The following SVIL variants were observed in gnomAD, a reference collection of about 807,000 sequenced individuals.
SVIL encodes the protein supervillin.
SVIL carries 101 observed loss-of-function variants against 240.4 expected under a neutral mutation model. The observed-to-expected ratio is 0.42, with a 90% CI of 0.36 to 0.50. SVIL has a LOEUF of 0.50. Ranked by LOEUF, SVIL falls within the 20% of genes least tolerant of loss-of-function variation. SVIL has a pLI of 0.01. For synonymous variants in SVIL, 999 were observed against 1,100.0 expected, an observed-to-expected ratio of 0.91 and a Z score of 1.82; for missense variants, 2,512 against 2,818.7, an observed-to-expected ratio of 0.89 and a Z score of 2.46.
chr10:29,608,004 C>T (rs1010738096), intron 1 of SVIL, among the ~76,000 whole-genome samples: 3 of 152,224 alleles, frequency 2.0e-5, no homozygotes, highest in African/African-American at 7.2e-5. Context: ...GCAAGACAGG[C>T]ATCTATCCGA....
intron 12 of SVIL, 66 bp from the exon 13 acceptor site, chr10:29,527,122 A>G: frequency 7.2e-7 from 1 of 1,385,568 alleles, no homozygotes; most frequent in South Asian, 1.3e-5. Context: ...CATTAAGGAC[A>G]GCATAGTTTT....
In SVIL at chr10:29,643,929, C is replaced by T. The variant is rs945687321; in HGVS notation, c.-201+14040G>A. 8 of 511,148 alleles carry T rather than the reference C, an allele frequency of 1.6e-5. No individual in the cohort carries two copies. The East Asian group carries it at 1.7e-4, about 11-fold the overall frequency. The allele number at this position is 511,148 out of a possible 1,614,324, so 31.7% of individuals were successfully genotyped here. On this transcript the variant is annotated intron_variant, in intron 3 of 35. Coordinates refer to the SVIL transcript ENST00000375400. The stretch of plus-strand genomic sequence containing the variant: ...GAACTTGCCAGGGGTGAGCCTGGAC[C>T]GTGGTTTATGAGTCCTGGCTCCAGA...
intron 36 of SVIL, 118 bp from the exon 37 acceptor site, chr10:29,458,707 T>A: frequency 3.8e-6 from 4 of 1,065,640 alleles, no homozygotes; most frequent in Non-Finnish European, 5.3e-6. Context: ...GATGCATAGT[T>A]CCATATCACT....
intron 2 of SVIL, among the ~76,000 whole-genome samples, chr10:29,664,487 G>A (rs2133044073): frequency 1.3e-5 from 2 of 152,250 alleles, no homozygotes; most frequent in Middle Eastern, 6.8e-3. Flanking sequence ...CATGCCAAAT[G>A]CCTGATCTTG....
At chr10:29,494,401 C>A (rs1184802795) in intron 20 of SVIL, among the ~76,000 whole-genome samples, 2 of 152,168 alleles carry the variant, frequency 1.3e-5, no homozygotes, top group Admixed American at 6.5e-5. Flanking sequence ...GGACTCCCAG[C>A]GCCTAGTATT....
chr10:29,636,599 A>C (rs1958318449), upstream of SVIL, among the ~76,000 whole-genome samples: 2 of 152,132 alleles, frequency 1.3e-5, 1 homozygote, highest in South Asian at 4.1e-4. Flanking sequence ...ATCCCAGTTA[A>C]TTCTTCCTGT....
intron 6 of SVIL, among the ~76,000 whole-genome samples, chr10:29,546,493 A>C (rs1952700971): frequency 6.6e-6 from 1 of 152,242 alleles, no homozygotes; most frequent in Non-Finnish European, 1.5e-5. Context: ...TTTATCATAT[A>C]AACTGAATAC....
chr10:29,504,401 C>T (rs1158770681), intron 17 of SVIL, among the ~76,000 whole-genome samples: 2 of 152,066 alleles, frequency 1.3e-5, no homozygotes, highest in South Asian at 2.1e-4. Context: ...AATGAGAAGA[C>T]AATCTACAGA....
chr10:29,615,655 TCA>T, intron 1 of SVIL, among the ~76,000 whole-genome samples: 1 of 152,352 alleles, frequency 6.6e-6, no homozygotes, highest in Non-Finnish European at 1.5e-5. Flanking sequence ...CTGTGTACTT[TCA>T]GTCTTTCTGC....
intron 17 of SVIL, chr10:29,507,963 A>G: frequency 5.0e-6 from 1 of 201,374 alleles, no homozygotes; most frequent in Non-Finnish European, 9.5e-6. Context: ...TCTTTTCAAG[A>G]GAGTCCTCCC....
At chr10:29,649,532 A>G (rs1270795133) in intron 3 of SVIL, among the ~76,000 whole-genome samples, 1 of 152,196 alleles carries the variant, frequency 6.6e-6, no homozygotes, top group East Asian at 1.9e-4. Flanking sequence ...CAGCTAGAAA[A>G]CACTACATTT....
At chr10:29,671,745 T>C (rs900122197) in intron 2 of SVIL, among the ~76,000 whole-genome samples, 14 of 152,338 alleles carry the variant, frequency 9.2e-5, no homozygotes, top group Admixed American at 9.1e-4. Flanking sequence ...TCCTATTTTT[T>C]TAAATCTCCA....
At chr10:29,674,420 C>A (rs113339175) in intron 2 of SVIL, among the ~76,000 whole-genome samples, 58 of 152,192 alleles carry the variant, frequency 3.8e-4, no homozygotes, top group African/African-American at 1.2e-3. Context: ...AGGCACTGAT[C>A]GAGGCAGTGA....
At chr10:29,567,271 T>C (rs753061975) in intron 2 of SVIL, among the ~76,000 whole-genome samples, 1 of 152,236 alleles carries the variant, frequency 6.6e-6, no homozygotes, top group Non-Finnish European at 1.5e-5. Context: ...TCCGCTGTTA[T>C]CATCTCTGTT....
intron 3 of SVIL, among the ~76,000 whole-genome samples, chr10:29,645,266 A>AG (rs908977872): frequency 4.6e-5 from 7 of 151,966 alleles, no homozygotes; most frequent in East Asian, 3.9e-4. Context: ...CTCAACAATG[A>AG]GGGGGAAAAA....
rs71023503 is a variant in SVIL, at chr10:29,717,232, CAAAAAAAAAAAAAAAA to C, written c.-400+18503_-400+18518del. Reference sequence around the variant, plus strand: ...TGGGCGACAGAGCAAGACTCTCTCTCAAAAAAAAAAAAAAAAAAAAAAAAAAAAAAAAATAGGCAGT... The same window carrying C: ...TGGGCGACAGAGCAAGACTCTCTCTCAAAAAAAAAAAAAAAAATAGGCAGT... On this transcript the variant is annotated intron_variant, in intron 1 of 35. Transcript: ENST00000375400. Among the ~76,000 whole-genome samples, 15 of 38,324 alleles carry C rather than the reference CAAAAAAAAAAAAAAAA, an allele frequency of 3.9e-4. No individual in the cohort carries two copies. In the South Asian group the frequency reaches 5.2e-3, roughly 13 times the overall value. 25.1% of individuals were successfully genotyped at this position (38,324 alleles called of 152,430 possible). A position where few individuals can be genotyped will look rare whatever the true frequency, so the allele number is the denominator to read the frequency against.
At chr10:29,727,740 C>CA (rs10607348) in intron 1 of SVIL, among the ~76,000 whole-genome samples, 149 of 129,890 alleles carry the variant, frequency 1.1e-3, no homozygotes, top group East Asian at 3.2e-3. Context: ...GTCGTGAACA[C>CA]AAAAAAAAAA....
chr10:29,531,326 C>G, intron 9 of SVIL, 38 bp from the exon 10 acceptor site: 1 of 1,568,808 alleles, frequency 6.4e-7, no homozygotes, highest in African/African-American at 1.4e-5. Context: ...AATACATTAG[C>G]AGGTGGGAGC....
chr10:29,660,891 G>A (rs771805195), intron 2 of SVIL, among the ~76,000 whole-genome samples: 2 of 150,824 alleles, frequency 1.3e-5, no homozygotes, highest in African/African-American at 2.4e-5. Context: ...TGCCTGGGCC[G>A]GGTGTGGTGC....
Sources: allele counts gnomAD v4.1 joint callset (sites outside exome capture counted in the v4.1 genomes callset), GRCh38; gene constraint gnomAD v4.1.1; transcripts MANE v1.5; gene names NCBI Gene and HGNC (gene_info 2026-07-23, HGNC 2026-07-21).